Variants in HTR3B observed in about 807,000 individuals in gnomAD.
HTR3B encodes 5-hydroxytryptamine receptor 3B.
A neutral mutation model predicts 42.8 loss-of-function variants in HTR3B; 44 were observed. That is an observed-to-expected ratio of 1.03 (90% CI 0.81 to 1.32). The LOEUF (loss-of-function observed/expected upper bound fraction) is 1.32. Ranked by LOEUF, HTR3B falls within the 40% of genes most tolerant of loss-of-function variation. HTR3B has a pLI of 0.00. For missense variants in HTR3B, 527 were observed against 536.5 expected (o/e 0.98, Z 0.17); for synonymous variants, 203 against 209.0 (o/e 0.97, Z 0.25).
Position 113,932,265 on chromosome 11 carries a change from C to T in HTR3B, c.369-24C>T, listed in dbSNP as rs769124636. 2.5e-5 allele frequency: 40 copies of T among 1,590,552 alleles called. No individual in the cohort carries two copies. The South Asian group carries it at 4.0e-4, about 16-fold the overall frequency. ...ATGACCAACATCCTCTCTGTGACAA[C>T]AAGTTCTCTTGTGTTTCATATAGTG... On this transcript the variant is annotated intron_variant, in intron 4 of 8. Coordinates refer to ENST00000260191, the MANE Select transcript of HTR3B (RefSeq NM_006028.5).
intron 6 of HTR3B, among the ~76,000 whole-genome samples, chr11:113,934,697 G>A (rs1351908828): frequency 6.6e-6 from 1 of 151,592 alleles, no homozygotes; most frequent in African/African-American, 2.4e-5. Context: ...TTTAAGCAAA[G>A]CTTGCATTGT....
At chr11:113,903,553 C>T (rs561312936), upstream of HTR3B, among the ~76,000 whole-genome samples, 126 of 151,708 alleles carry the variant, frequency 8.3e-4, no homozygotes, top group African/African-American at 2.9e-3. Flanking sequence ...CTCAGCCTCC[C>T]GAGTAGCTGG....
chr11:113,931,141 A>G (rs756579898), intron 2 of HTR3B, among the ~76,000 whole-genome samples: 1 of 152,186 alleles, frequency 6.6e-6, no homozygotes, highest in Non-Finnish European at 1.5e-5. Context: ...AAATCATTCA[A>G]GATGTCAAGG....
chr11:113,909,405 AAGGCCACC>A lies in HTR3B; in HGVS notation c.165_172del (p.Lys55AsnfsTer33), dbSNP rs1310026224. ...AGTGAGACCTGTTTACAACTGGACC[AAGGCCACC>A]ACAGTCTACCTGGACCTGTTCGTCC... On this transcript the variant is annotated frameshift_variant, in exon 2 of 9. Transcript: ENST00000260191. LOFTEE classifies it high-confidence loss of function. 5.0e-6 allele frequency: 8 copies of A among 1,614,068 alleles called. No homozygotes were observed. The highest frequency in any genetic ancestry group is 6.8e-6 in the Non-Finnish European group (8 of 1,180,002).
intron 6 of HTR3B, among the ~76,000 whole-genome samples, chr11:113,936,984 T>C (rs1159040924): frequency 2.6e-5 from 4 of 152,242 alleles, no homozygotes; most frequent in Non-Finnish European, 5.9e-5. Flanking sequence ...TGTGTACTTA[T>C]TATTACCTGG....
intron 6 of HTR3B, 66 bp downstream of exon 6, chr11:113,933,159 C>A: frequency 2.0e-6 from 3 of 1,495,852 alleles, no homozygotes; most frequent in South Asian, 1.2e-5. Flanking sequence ...TCTCTTGGGC[C>A]AAGGAATTTC....
At chr11:113,904,471 A>G (rs1399897606), upstream of HTR3B, among the ~76,000 whole-genome samples, 1 of 152,226 alleles carries the variant, frequency 6.6e-6, no homozygotes, top group Non-Finnish European at 1.5e-5. Context: ...AATGCTGAAG[A>G]TGTTACTGCA....
chr11:113,909,930 G>A (rs1949769811), intron 2 of HTR3B, among the ~76,000 whole-genome samples: 1 of 133,790 alleles, frequency 7.5e-6, no homozygotes, highest in South Asian at 2.4e-4. Flanking sequence ...GCTGCAATGA[G>A]CCATGATCAT....
chr11:113,925,788 C>G (rs1300203211), intron 2 of HTR3B, among the ~76,000 whole-genome samples: 1 of 152,034 alleles, frequency 6.6e-6, no homozygotes, highest in African/African-American at 2.4e-5. Context: ...ATGCATCAGA[C>G]TTCTTATAAA....
chr11:113,909,911 G>T (rs1249522370), intron 2 of HTR3B, among the ~76,000 whole-genome samples: 1 of 149,732 alleles, frequency 6.7e-6, no homozygotes. Context: ...TTGAGCTTGG[G>T]TGGTTGAGGC....
intron 2 of HTR3B, among the ~76,000 whole-genome samples, chr11:113,928,956 A>G (rs1227619468): frequency 6.6e-6 from 1 of 152,204 alleles, no homozygotes; most frequent in Admixed American, 6.5e-5. Flanking sequence ...GGCTATTGTG[A>G]ATAATGCTGC....
At chr11:113,922,096 C>T (rs190215738) in intron 2 of HTR3B, among the ~76,000 whole-genome samples, 17 of 152,292 alleles carry the variant, frequency 1.1e-4, no homozygotes, top group Admixed American at 9.8e-4. Context: ...CTTCATTCTC[C>T]ATCTGCAAAA....
chr11:113,949,023 T>A lies in HTR3B; in HGVS notation c.*2886T>A, dbSNP rs547804022. ...GTACCCTAAAACTTAAAGTATAATTTAAAAAAAAGTAAATAATGCATCACA... is the reference window on the plus strand; with the variant it reads ...GTACCCTAAAACTTAAAGTATAATTAAAAAAAAAGTAAATAATGCATCACA... On this transcript the variant is annotated 3_prime_UTR_variant, in exon 9 of 9. Coordinates refer to ENST00000260191, the MANE Select transcript of HTR3B (RefSeq NM_006028.5). 7.2e-5 allele frequency among the ~76,000 whole-genome samples: 11 copies of A among 151,998 alleles called. 1 individual carries two copies. Among genetic ancestry groups the A allele is most frequent in the Admixed American group, 4.6e-4 (7 of 15,246 alleles).
chr11:113,937,611 T>A (rs1950101547), intron 6 of HTR3B, among the ~76,000 whole-genome samples: 1 of 152,202 alleles, frequency 6.6e-6, no homozygotes, highest in Non-Finnish European at 1.5e-5. Context: ...ATAAATGAAT[T>A]GAGGTGCAGA....
chr11:113,925,364 A>C (rs1209340530), intron 2 of HTR3B, among the ~76,000 whole-genome samples: 1 of 151,664 alleles, frequency 6.6e-6, no homozygotes, highest in African/African-American at 2.4e-5. Context: ...ATGTTACCTA[A>C]GTGACTCTTG....
At chr11:113,945,809 TC>T in intron 8 of HTR3B, 92 bp from the exon 9 acceptor site, 1 of 875,184 alleles carries the variant, frequency 1.1e-6, no homozygotes, top group South Asian at 1.5e-5. Context: ...CCTGCAACTT[TC>T]CTTGAAGGAT....
At chr11:113,936,864 G>T (rs1445222378) in intron 6 of HTR3B, among the ~76,000 whole-genome samples, 1 of 152,156 alleles carries the variant, frequency 6.6e-6, no homozygotes, top group African/African-American at 2.4e-5. Flanking sequence ...CATCAAGGAG[G>T]CAATTACAGG....
chr11:113,934,463 A>C (rs1006024562), intron 6 of HTR3B, among the ~76,000 whole-genome samples: 1 of 151,988 alleles, frequency 6.6e-6, no homozygotes, highest in Non-Finnish European at 1.5e-5. Flanking sequence ...GAAGGAAAGA[A>C]AGAAAGAAAA....
chr11:113,909,408 G>A lies in HTR3B; in HGVS notation c.166G>A (p.Ala56Thr). The A allele has an allele frequency of 6.2e-7, 1 of 1,614,092 alleles. No individual in the cohort carries two copies. The highest frequency in any genetic ancestry group is 8.5e-7 in the Non-Finnish European group (1 of 1,179,966). Residue 56 changes from alanine (A) to threonine (T), a missense_variant, in exon 2 of 9, where the codon GCC becomes ACC. Coordinates refer to ENST00000260191, the MANE Select transcript of HTR3B (RefSeq NM_006028.5). ...EVRPVYNWTK[A>T]TTVYLDLFVH... ...GAGACCTGTTTACAACTGGACCAAG[G>A]CCACCACAGTCTACCTGGACCTGTT...
Sources: gnomAD v4.1 joint callset for allele counts (sites outside exome capture counted in the v4.1 genomes callset) on GRCh38, gnomAD v4.1.1 for gene constraint, MANE v1.5 for transcripts, NCBI Gene and HGNC (gene_info 2026-07-23, HGNC 2026-07-21) for gene names.